The following PAPPA variants were observed in gnomAD, a reference collection of about 807,000 sequenced individuals.
PAPPA encodes the protein pappalysin 1.
PAPPA carries 60 observed loss-of-function variants against 164.0 expected under a neutral mutation model. That is an observed-to-expected ratio of 0.37 (90% CI 0.30 to 0.45). The LOEUF (loss-of-function observed/expected upper bound fraction) is 0.45. PAPPA is among the 20% of genes least tolerant of loss of function. PAPPA has a pLI of 1.00. For missense variants in PAPPA, 1,782 were observed against 2,087.3 expected (o/e 0.85, Z 2.85); for synonymous variants, 875 against 814.1 (o/e 1.07, Z -1.27).
intron 9 of PAPPA, among the ~76,000 whole-genome samples, chr9:116,289,396 CT>C (rs1845406598): frequency 1.4e-5 from 1 of 71,586 alleles, no homozygotes. Context: ...GTATATATAG[CT>C]ATATATATAT....
chr9:116,245,646 GA>G (rs1844788153), intron 7 of PAPPA, among the ~76,000 whole-genome samples: 1 of 152,160 alleles, frequency 6.6e-6, no homozygotes, highest in Non-Finnish European at 1.5e-5. Context: ...TGAATATCTG[GA>G]ATGAGGGAAA....
intron 1 of PAPPA, among the ~76,000 whole-genome samples, chr9:116,164,989 G>A (rs1843705010): frequency 6.6e-6 from 1 of 152,214 alleles, no homozygotes; most frequent in South Asian, 2.1e-4. Flanking sequence ...GATGAGGAAA[G>A]TGGCTTATCC....
intron 1 of PAPPA, among the ~76,000 whole-genome samples, chr9:116,155,635 C>A (rs1419677383): frequency 6.6e-6 from 1 of 152,160 alleles, no homozygotes; most frequent in African/African-American, 2.4e-5. Context: ...GTTTTGCGAT[C>A]CCACCCCCTC....
At chr9:116,387,560 G>T (rs1846832094) in intron 21 of PAPPA, among the ~76,000 whole-genome samples, 1 of 152,082 alleles carries the variant, frequency 6.6e-6, no homozygotes, top group Non-Finnish European at 1.5e-5. Flanking sequence ...TTTTTGTAGA[G>T]AAAGCAGTCT....
chr9:116,386,950 G>A (rs188456267), intron 21 of PAPPA, among the ~76,000 whole-genome samples: 60 of 152,268 alleles, frequency 3.9e-4, no homozygotes, highest in Non-Finnish European at 7.2e-4. Context: ...TCTCAGAGAA[G>A]GAGAGAGGTT....
At chr9:116,268,857 G>C (rs922582371) in intron 8 of PAPPA, among the ~76,000 whole-genome samples, 1 of 119,166 alleles carries the variant, frequency 8.4e-6, no homozygotes. Flanking sequence ...GGGGGGGTAG[G>C]GGGGAAGGAA....
In PAPPA at chr9:116,271,254, G is replaced by A. The variant is rs184031561; in HGVS notation, c.2862-71G>A. On this transcript the variant is annotated intron_variant, in intron 8 of 21. Coordinates refer to ENST00000328252, the MANE Select transcript of PAPPA (RefSeq NM_002581.5). This position sits in a 1 kb window ranked among gnomAD's most constrained non-coding sequence, Gnocchi z 4.2. Reference sequence around the variant, plus strand: ...TCACTGAAGGTTCATGGCCCAGGGAGGGACTTTTCCATGTCCAGCCATGGT... The same window carrying A: ...TCACTGAAGGTTCATGGCCCAGGGAAGGACTTTTCCATGTCCAGCCATGGT... The A allele has an allele frequency of 7.8e-6, 8 of 1,021,690 alleles. No homozygotes were observed. The highest frequency in any genetic ancestry group is 2.1e-4 in the Middle Eastern group (1 of 4,866). 63.3% of individuals were successfully genotyped at this position (1,021,690 alleles called of 1,614,324 possible).
intron 21 of PAPPA, among the ~76,000 whole-genome samples, chr9:116,384,555 C>A (rs1415745967): frequency 6.6e-6 from 1 of 152,008 alleles, no homozygotes. Context: ...ATTTATGTAA[C>A]CATTTACTTC....
At chr9:116,287,012 G>T (rs1845347794) in intron 9 of PAPPA, 1 of 152,134 alleles carries the variant, frequency 6.6e-6, no homozygotes, top group African/African-American at 2.4e-5. Flanking sequence ...AAATCATAGG[G>T]CATCCGAGAG....
At chr9:116,204,653 C>T (rs1844210749) in intron 2 of PAPPA, among the ~76,000 whole-genome samples, 1 of 152,074 alleles carries the variant, frequency 6.6e-6, no homozygotes, top group South Asian at 2.1e-4. Flanking sequence ...TGGCCTCAAG[C>T]ATTCCTGCCG....
intron 2 of PAPPA, among the ~76,000 whole-genome samples, chr9:116,206,736 A>G (rs564289819): frequency 6.6e-6 from 1 of 152,226 alleles, no homozygotes; most frequent in Non-Finnish European, 1.5e-5. Context: ...GAGTATGGAG[A>G]TGTTAAAAGG....
intron 2 of PAPPA, among the ~76,000 whole-genome samples, chr9:116,203,940 C>T (rs765010402): frequency 5.9e-5 from 9 of 152,130 alleles, no homozygotes; most frequent in Non-Finnish European, 1.3e-4. Context: ...ACCAAGAGAA[C>T]TTGAGCGGTT....
intron 2 of PAPPA, among the ~76,000 whole-genome samples, chr9:116,205,329 C>T (rs1015993773): frequency 6.6e-6 from 1 of 152,172 alleles, no homozygotes; most frequent in African/African-American, 2.4e-5. Flanking sequence ...CTCCCCTGCC[C>T]CTACCCCACC....
chr9:116,274,841 G>C (rs1845178572), intron 9 of PAPPA, among the ~76,000 whole-genome samples: 1 of 152,130 alleles, frequency 6.6e-6, no homozygotes, highest in Admixed American at 6.5e-5. Flanking sequence ...CTTTCCCTCT[G>C]CCCTCCAGTC....
chr9:116,211,554 C>G, intron 3 of PAPPA, 85 bp from the exon 4 acceptor site: 5 of 1,223,264 alleles, frequency 4.1e-6, no homozygotes, highest in Non-Finnish European at 5.9e-6. Flanking sequence ...TGGGCAGCAT[C>G]TCTTTATCCT....
intron 7 of PAPPA, among the ~76,000 whole-genome samples, chr9:116,253,878 C>A (rs1394065188): frequency 2.0e-5 from 3 of 152,154 alleles, no homozygotes; most frequent in Non-Finnish European, 1.5e-5. Flanking sequence ...TCAATTTATT[C>A]CATCCTACAG....
At chr9:116,164,643 A>G (rs1027879302) in intron 1 of PAPPA, among the ~76,000 whole-genome samples, 4 of 152,220 alleles carry the variant, frequency 2.6e-5, no homozygotes, top group African/African-American at 9.6e-5. Context: ...TGTAATCAAG[A>G]AGTCATTCCT....
chr9:116,317,806 AG>A (rs754060141), intron 10 of PAPPA, among the ~76,000 whole-genome samples: 32 of 152,172 alleles, frequency 2.1e-4, no homozygotes, highest in Non-Finnish European at 3.5e-4. Flanking sequence ...GCTCCTGTCT[AG>A]AGTTGAGTGT....
At chr9:116,349,864 A>G (rs1846258911) in intron 15 of PAPPA, among the ~76,000 whole-genome samples, 1 of 152,196 alleles carries the variant, frequency 6.6e-6, no homozygotes, top group Non-Finnish European at 1.5e-5. Flanking sequence ...AGGCTCAGAC[A>G]TGCCTTCACT....
Sources: allele counts gnomAD v4.1 joint callset (sites outside exome capture counted in the v4.1 genomes callset), GRCh38; gene constraint gnomAD v4.1.1; non-coding constraint Gnocchi (gnomAD v3.1); transcripts MANE v1.5; gene names NCBI Gene and HGNC (gene_info 2026-07-23, HGNC 2026-07-21).